PDE1A: variants seen among roughly 807,000 people sequenced by gnomAD.
PDE1A encodes phosphodiesterase 1A.
PDE1A carries 35 observed loss-of-function variants against 61.7 expected under a neutral mutation model. The observed-to-expected ratio is 0.57, with a 90% confidence interval of 0.43 to 0.75. The LOEUF (loss-of-function observed/expected upper bound fraction) is 0.75, where lower values mean the gene tolerates loss of function less well. Ranked by LOEUF, PDE1A falls within the 30% of genes least tolerant of loss-of-function variation. The probability of loss-of-function intolerance (pLI) is 0.00; values close to 1 mark genes in which losing one functional copy is unlikely to be tolerated. For missense variants in PDE1A, 597 were observed against 630.6 expected, an observed-to-expected ratio of 0.95 and a Z score of 0.57; for synonymous variants, 232 against 213.2, an observed-to-expected ratio of 1.09 and a Z score of -0.77.
chr2:182,350,684 A>T (rs2125099494), intron 1 of PDE1A, among the ~76,000 whole-genome samples: 1 of 152,306 alleles, frequency 6.6e-6, no homozygotes, highest in South Asian at 2.1e-4. Flanking sequence ...CACAGTCAAG[A>T]AGAGTGGTGT....
intron 1 of PDE1A, among the ~76,000 whole-genome samples, chr2:182,313,382 C>T (rs1696120113): frequency 6.6e-6 from 1 of 152,074 alleles, no homozygotes; most frequent in Non-Finnish European, 1.5e-5. Flanking sequence ...CCACTGCACT[C>T]CAGTCTAGGT....
the PDE1A span, among the ~76,000 whole-genome samples, chr2:182,642,743 G>A: frequency 6.6e-6 from 1 of 152,134 alleles, no homozygotes; most frequent in East Asian, 1.9e-4. Context: ...ATTAACTTTA[G>A]AAGTTCTGTA....
At chr2:182,519,595 A>C (rs922242503) in intron 2 of PDE1A, among the ~76,000 whole-genome samples, 4 of 152,088 alleles carry the variant, frequency 2.6e-5, no homozygotes, top group East Asian at 1.9e-4. Context: ...AATTTAGAAG[A>C]AGCTCAATAA....
intron 2 of PDE1A, chr2:182,242,037 T>C (rs1574122308): frequency 7.7e-7 from 1 of 1,306,356 alleles, no homozygotes. Context: ...ACAGTGTAGG[T>C]AGAACAAGTG....
intron 2 of PDE1A, among the ~76,000 whole-genome samples, chr2:182,241,157 G>A (rs886801938): frequency 2.6e-5 from 4 of 152,184 alleles, no homozygotes; most frequent in Non-Finnish European, 4.4e-5. Context: ...GTCAGCTTCG[G>A]CAGTCAAGAA....
intron 1 of PDE1A, among the ~76,000 whole-genome samples, chr2:182,350,913 T>C (rs1698837570): frequency 2.0e-5 from 3 of 152,210 alleles, no homozygotes; most frequent in Admixed American, 2.0e-4. Flanking sequence ...TTCTGCTCCC[T>C]GATTTTCTTT....
At chr2:182,409,197 C>T (rs183781862) in intron 1 of PDE1A, among the ~76,000 whole-genome samples, 4 of 152,158 alleles carry the variant, frequency 2.6e-5, no homozygotes, top group Admixed American at 6.5e-5. Flanking sequence ...CCTTTTTCCA[C>T]GTCGATTAGC....
chr2:182,415,213 C>T (rs1457379470), intron 1 of PDE1A, among the ~76,000 whole-genome samples: 1 of 152,002 alleles, frequency 6.6e-6, no homozygotes, highest in African/African-American at 2.4e-5. Flanking sequence ...GTGTTGTTTG[C>T]CTAGCCAACT....
At chr2:182,408,363 G>A (rs1014033385) in intron 1 of PDE1A, among the ~76,000 whole-genome samples, 2 of 152,060 alleles carry the variant, frequency 1.3e-5, no homozygotes, top group East Asian at 3.9e-4. Flanking sequence ...AAAAAAGTTA[G>A]CTAACACCTC....
the PDE1A span, among the ~76,000 whole-genome samples, chr2:182,701,410 T>G: frequency 6.6e-6 from 1 of 151,606 alleles, no homozygotes; most frequent in East Asian, 1.9e-4. Flanking sequence ...TTTTGAAGTT[T>G]TGCTGTGTTG....
the PDE1A span, among the ~76,000 whole-genome samples, chr2:182,667,779 A>G: frequency 6.6e-6 from 1 of 152,224 alleles, no homozygotes; most frequent in Non-Finnish European, 1.5e-5. Context: ...AACAATGTCA[A>G]TGTTCAACTT....
intron 7 of PDE1A, among the ~76,000 whole-genome samples, chr2:182,223,154 C>G (rs1688865276): frequency 6.6e-6 from 1 of 151,926 alleles, no homozygotes; most frequent in Non-Finnish European, 1.5e-5. Context: ...GGTGCATGTG[C>G]TCAGAGAAAA....
At chr2:182,194,889 A>G (rs1027190042) in intron 10 of PDE1A, among the ~76,000 whole-genome samples, 8 of 135,638 alleles carry the variant, frequency 5.9e-5, no homozygotes, top group Non-Finnish European at 1.2e-4. Context: ...ATTCACACAC[A>G]CACACACACA....
intron 1 of PDE1A, among the ~76,000 whole-genome samples, chr2:182,351,755 G>C (rs1191939436): frequency 2.6e-5 from 4 of 152,122 alleles, no homozygotes; most frequent in Non-Finnish European, 5.9e-5. Context: ...TCCCTGTTCT[G>C]TTGTGCAGAC....
At chr2:182,608,168 AGGGGTG>A in the PDE1A span, among the ~76,000 whole-genome samples, 1 of 152,114 alleles carries the variant, frequency 6.6e-6, no homozygotes, top group African/African-American at 2.4e-5. Flanking sequence ...CTTCTCCAAG[AGGGGTG>A]GGGGTTGCGG....
chr2:182,642,496 C>T, the PDE1A span, among the ~76,000 whole-genome samples: 2 of 152,174 alleles, frequency 1.3e-5, no homozygotes, highest in African/African-American at 2.4e-5. Flanking sequence ...GTTACATGCT[C>T]ATCCCCATAG....
the PDE1A span, among the ~76,000 whole-genome samples, chr2:182,653,721 A>T: frequency 6.6e-6 from 1 of 152,124 alleles, no homozygotes; most frequent in South Asian, 2.1e-4. Flanking sequence ...CATATAATTG[A>T]TCTCTGCTTC....
At chr2:182,499,646 C>A (rs78896496) in intron 2 of PDE1A, among the ~76,000 whole-genome samples, 1 of 152,070 alleles carries the variant, frequency 6.6e-6, no homozygotes, top group African/African-American at 2.4e-5. Flanking sequence ...ATAGCAATAC[C>A]GAGAGTTAAA....
At chr2:182,675,967 T>C in the PDE1A span, among the ~76,000 whole-genome samples, 1 of 152,228 alleles carries the variant, frequency 6.6e-6, no homozygotes, top group African/African-American at 2.4e-5. Context: ...TTAGATCTCA[T>C]TTGTCAATTT....
Sources: allele counts gnomAD v4.1 joint callset (sites outside exome capture counted in the v4.1 genomes callset), GRCh38; gene constraint gnomAD v4.1.1; transcripts MANE v1.5; gene names NCBI Gene and HGNC (gene_info 2026-07-23, HGNC 2026-07-21).